Variants in ADAMTSL3 observed in about 807,000 individuals in gnomAD.
ADAMTSL3 encodes the protein ADAMTS like 3, also known as ADAMTS-like protein 3.
In ADAMTSL3, 128 loss-of-function variants were observed where a neutral mutation model predicts 201.7. The ratio of observed to expected loss-of-function variants is 0.63; its 90% CI spans 0.55 to 0.73. ADAMTSL3 has a LOEUF of 0.73. Ranked by LOEUF, ADAMTSL3 falls within the 30% of genes least tolerant of loss-of-function variation. The pLI is 0.00. For synonymous variants in ADAMTSL3, 738 were observed against 748.4 expected, an observed-to-expected ratio of 0.99 and a Z score of 0.23; for missense variants, 1,990 against 2,119.6, an observed-to-expected ratio of 0.94 and a Z score of 1.20.
intron 3 of ADAMTSL3, among the ~76,000 whole-genome samples, chr15:83,719,058 A>C (rs1355584796): frequency 6.6e-6 from 1 of 152,210 alleles, no homozygotes; most frequent in Non-Finnish European, 1.5e-5. Flanking sequence ...AAGCCAATAA[A>C]GTCGCAAAAA....
At chr15:83,771,015 G>C (rs1462923248) in intron 3 of ADAMTSL3, among the ~76,000 whole-genome samples, 1 of 152,082 alleles carries the variant, frequency 6.6e-6, no homozygotes, top group Admixed American at 6.6e-5. Flanking sequence ...AGGTGGTAGT[G>C]AGCTGAGATC....
intron 20 of ADAMTSL3, among the ~76,000 whole-genome samples, chr15:83,974,995 C>T (rs1402233953): frequency 1.5e-5 from 2 of 136,978 alleles, no homozygotes; most frequent in South Asian, 2.4e-4. Context: ...ACACAGCCTG[C>T]GTCTTTTTTT....
rs370170312 is a variant in ADAMTSL3 at position 83,890,265 on chromosome 15, C to T, written c.1211+18C>T. 1.2e-5 allele frequency: 20 copies of T among 1,611,718 alleles called. No homozygotes were observed. The highest frequency in any genetic ancestry group is 1.6e-5 in the Non-Finnish European group (19 of 1,179,010). On this transcript the variant is annotated intron_variant, in intron 11 of 29. Coordinates refer to ENST00000286744, the MANE Select transcript of ADAMTSL3 (RefSeq NM_207517.3). ...CCATCAAGGTTTGTGTCATTGTCCA[C>T]ACCCTTTTTACTTCAAAAAGAAACA...
At position 83,665,982 on chromosome 15, in the gene ADAMTSL3, A is replaced by G. The variant is rs1248109951; in HGVS notation, c.69+10152A>G. Among the ~76,000 whole-genome samples the G allele has an allele frequency of 2.0e-5, 3 of 152,198 alleles. No individual in the cohort carries two copies. In the East Asian group the frequency reaches 5.8e-4, roughly 29 times the overall value. Reference sequence around the variant, plus strand: ...TGAAATTGCCTTTTTTTAAAATTTAAAAACAGCACATATTCATTATAAAAA... The same window carrying G: ...TGAAATTGCCTTTTTTTAAAATTTAGAAACAGCACATATTCATTATAAAAA... On this transcript the variant is annotated intron_variant, in intron 2 of 29. Transcript: ENST00000286744.
At position 83,897,851 on chromosome 15, in the gene ADAMTSL3, T is replaced by C. The variant is rs1212996734; in HGVS notation, c.1468-7T>C. On this transcript the variant is annotated splice_region_variant and splice_polypyrimidine_tract_variant and intron_variant, in intron 13 of 29. Coordinates refer to ENST00000286744, the MANE Select transcript of ADAMTSL3 (RefSeq NM_207517.3). ...AAATGCGTTGGCTTCTCTTTTCTTC[T>C]TTGAAGTGCACAGTGACTTGTGGCC... 24 of 1,582,690 alleles carry C rather than the reference T, an allele frequency of 1.5e-5. No homozygotes were observed. In the Admixed American group the frequency reaches 4.0e-4, roughly 26 times the overall value.
intron 27 of ADAMTSL3, among the ~76,000 whole-genome samples, chr15:84,028,648 C>G (rs929410906): frequency 6.6e-6 from 1 of 152,162 alleles, no homozygotes; most frequent in Non-Finnish European, 1.5e-5. Flanking sequence ...CCAATTGATT[C>G]AAGATTTGCC....
intron 13 of ADAMTSL3, among the ~76,000 whole-genome samples, chr15:83,893,513 A>T (rs1401535166): frequency 6.6e-6 from 1 of 152,226 alleles, no homozygotes; most frequent in Non-Finnish European, 1.5e-5. Flanking sequence ...TGCTGACACG[A>T]CATGAAAGTG....
At chr15:83,864,307 C>A (rs201236382) in intron 8 of ADAMTSL3, among the ~76,000 whole-genome samples, 49,577 of 151,872 alleles carry the variant, frequency 0.33, 8,820 homozygotes, top group East Asian at 0.56. Flanking sequence ...AGAGACACAA[C>A]CAAAAAAGAG....
At chr15:83,845,531 C>T (rs2064479355) in intron 7 of ADAMTSL3, among the ~76,000 whole-genome samples, 1 of 152,224 alleles carries the variant, frequency 6.6e-6, no homozygotes, top group Admixed American at 6.5e-5. Flanking sequence ...AGATGCTTCA[C>T]TTACTGCGAC....
intron 4 of ADAMTSL3, among the ~76,000 whole-genome samples, chr15:83,804,441 A>C (rs532423405): frequency 6.6e-6 from 1 of 152,290 alleles, no homozygotes; most frequent in South Asian, 2.1e-4. Context: ...TTCATTCTTT[A>C]TTTAATGTGA....
At chr15:83,919,702 A>C (rs1298957765) in intron 16 of ADAMTSL3, among the ~76,000 whole-genome samples, 1 of 152,104 alleles carries the variant, frequency 6.6e-6, no homozygotes, top group Non-Finnish European at 1.5e-5. Flanking sequence ...GGGTGGTGTT[A>C]ATGTCAGAGA....
intron 9 of ADAMTSL3, 30 bp from the exon 10 acceptor site, chr15:83,885,071 A>C (rs1280166824): frequency 1.3e-6 from 2 of 1,482,742 alleles, no homozygotes; most frequent in East Asian, 4.5e-5. Flanking sequence ...CCTTGTTTGC[A>C]CGTGTGTTCT....
chr15:83,992,045 C>T (rs144335430), intron 23 of ADAMTSL3, among the ~76,000 whole-genome samples: 2,156 of 152,228 alleles, frequency 0.014, 25 homozygotes, highest in Non-Finnish European at 0.02. Flanking sequence ...GATGACTTTG[C>T]GTATGCCTTT....
rs557148801 is a variant in ADAMTSL3, at chr15:83,683,905, G to C, written c.70-20484G>C. Among the ~76,000 whole-genome samples, 17 of 152,278 alleles carry C rather than the reference G, an allele frequency of 1.1e-4. 1 individual carries two copies. In the South Asian group the frequency reaches 3.5e-3, roughly 32 times the overall value. On this transcript the variant is annotated intron_variant, in intron 2 of 29. Transcript: ENST00000286744. ...TAAAGATCTGGCTTAGGCTTTGACAGCCTGACACTTAATCATTTTGTTTTT... is the reference window on the plus strand; with the variant it reads ...TAAAGATCTGGCTTAGGCTTTGACACCCTGACACTTAATCATTTTGTTTTT...
Position 83,942,914 on chromosome 15 carries a change from T to C in ADAMTSL3, c.2322T>C (p.Thr774=). ...TCTTGTCTTCTTAGTGTTCCAGGAC[T>C]TGTGGCGGGGGAACTCAGAACAGAA... is the stretch of plus-strand genomic sequence containing the variant. ...HIEEWQQCSR[T]CGGGTQNRRV... The change falls in exon 19 of 30, where the codon ACT becomes ACC. Residue 774 remains threonine, a synonymous_variant. Transcript: ENST00000286744. The C allele has an allele frequency of 6.2e-7, 1 of 1,612,218 alleles. No individual in the cohort carries two copies.
intron 4 of ADAMTSL3, among the ~76,000 whole-genome samples, chr15:83,794,195 A>G (rs1464905271): frequency 6.6e-6 from 1 of 152,244 alleles, no homozygotes; most frequent in East Asian, 1.9e-4. Flanking sequence ...AGTGTTACTC[A>G]TACATTGGTT....
At chr15:83,695,170 A>ATATGTGTAATGTGTG (rs2061664676) in intron 2 of ADAMTSL3, among the ~76,000 whole-genome samples, 1 of 14,702 alleles carries the variant, frequency 6.8e-5, no homozygotes, top group African/African-American at 2.2e-4. Context: ...GTATGTATGT[A>ATATGTGTAATGTGTG]GCATGTGATG....
chr15:83,919,390 G>A (rs1474355974), intron 16 of ADAMTSL3, among the ~76,000 whole-genome samples: 1 of 152,178 alleles, frequency 6.6e-6, no homozygotes, highest in East Asian at 1.9e-4. Context: ...AGTCTGTGGT[G>A]TGGTGGAAAC....
In ADAMTSL3 at chr15:83,982,501, G is replaced by A. The variant is rs192319648; in HGVS notation, c.2873G>A (p.Arg958Gln). ...GGCCGTTGCCTGCAGAACTCCAAACGGCTTGGCATCACCAAGTCAGGCTCA... is the reference window on the plus strand; with the variant it reads ...GGCCGTTGCCTGCAGAACTCCAAACAGCTTGGCATCACCAAGTCAGGCTCA... ...KDGRCLQNSK[R>Q]LGITKSGSLK... The change falls in exon 21 of 30, where the codon CGG (arginine) becomes CAG (glutamine). Residue 958 changes from arginine (R) to glutamine (Q), a missense_variant. By Grantham distance (43) the Arg-to-Gln change is conservative. Transcript: ENST00000286744. The A allele has an allele frequency of 1.9e-5, 31 of 1,614,144 alleles. No individual in the cohort carries two copies. The highest frequency in any genetic ancestry group is 8.8e-5 in the South Asian group (8 of 91,076).
Sources: allele counts gnomAD v4.1 joint callset (sites outside exome capture counted in the v4.1 genomes callset), GRCh38; gene constraint gnomAD v4.1.1; transcripts MANE v1.5; gene names NCBI Gene and HGNC (gene_info 2026-07-23, HGNC 2026-07-21).